ATF7IP: variants seen among roughly 807,000 people sequenced by gnomAD.
ATF7IP encodes the protein activating transcription factor 7 interacting protein.
ATF7IP carries 23 observed loss-of-function variants against 106.4 expected under a neutral mutation model. That is an observed-to-expected ratio of 0.22 (90% CI 0.16 to 0.31). The LOEUF is 0.31. Among genes scored for constraint, ATF7IP ranks in the 10% least tolerant of loss-of-function variants. The pLI, the probability that ATF7IP is intolerant of heterozygous loss-of-function variation, is 1.00. For synonymous variants in ATF7IP, 542 were observed against 539.0 expected (o/e 1.01, Z -0.08); for missense variants, 1,334 against 1,524.3 (o/e 0.88, Z 2.08).
At chr12:14,423,574 C>CTTTTTTT in intron 1 of ATF7IP, among the ~76,000 whole-genome samples, 6 of 34,386 alleles carry the variant, frequency 1.7e-4, no homozygotes, top group African/African-American at 3.0e-4. Context: ...TCTTCAGGTA[C>CTTTTTTT]TTTTTTTTTT....
chr12:14,397,777 C>G (rs754152036), intron 1 of ATF7IP, among the ~76,000 whole-genome samples: 1 of 152,068 alleles, frequency 6.6e-6, no homozygotes, highest in Admixed American at 6.6e-5. Flanking sequence ...TGTTCCAGAG[C>G]ATTCTTTAGC....
At chr12:14,380,808 C>T (rs1367919378) in intron 1 of ATF7IP, among the ~76,000 whole-genome samples, 18 of 152,118 alleles carry the variant, frequency 1.2e-4, no homozygotes, top group Non-Finnish European at 2.4e-4. Flanking sequence ...TTAGTAGAGA[C>T]GGGGTTTTGC....
chr12:14,488,213 C>T (rs747990227), intron 13 of ATF7IP, among the ~76,000 whole-genome samples: 10 of 151,990 alleles, frequency 6.6e-5, no homozygotes, highest in African/African-American at 1.7e-4. Flanking sequence ...CACACACACA[C>T]GTATCCTATA....
intron 1 of ATF7IP, among the ~76,000 whole-genome samples, chr12:14,378,325 C>T (rs1393147466): frequency 4.6e-5 from 7 of 151,030 alleles, no homozygotes; most frequent in Non-Finnish European, 7.4e-5. Flanking sequence ...CTCCAACTCC[C>T]GACCTCAGGT....
intron 1 of ATF7IP, chr12:14,385,372 GA>G: frequency 3.9e-6 from 6 of 1,533,526 alleles, no homozygotes; most frequent in Non-Finnish European, 5.2e-6. Flanking sequence ...TGTCAGTGAG[GA>G]GACTTGTCAC....
intron 2 of ATF7IP, among the ~76,000 whole-genome samples, chr12:14,426,572 A>G (rs1941856595): frequency 6.7e-6 from 1 of 149,398 alleles, no homozygotes; most frequent in Non-Finnish European, 1.5e-5. Context: ...CACACCTATA[A>G]TCCTAGGACT....
chr12:14,443,372 C>G (rs1192881806), intron 5 of ATF7IP, among the ~76,000 whole-genome samples: 1 of 151,864 alleles, frequency 6.6e-6, no homozygotes, highest in Non-Finnish European at 1.5e-5. Flanking sequence ...AAACCTCTAG[C>G]ACAAGAAGAG....
rs1172486145 is a variant in ATF7IP at position 14,481,150 on chromosome 12, A to G, written c.3245A>G (p.Gln1082Arg). Residue 1082 changes from glutamine (Q) to arginine (R), a missense_variant, in exon 13 of 15, where the codon CAG becomes CGG. Transcript: ENST00000261168. ...AQAPLRGTVM[Q>R]APAVRQVNPQ... The stretch of plus-strand genomic sequence containing the variant: ...GCTCCCTTGCGAGGAACTGTTATGC[A>G]GGCTCCTGCTGTTCGGCAGGTCAAT... 8 of 1,614,006 alleles carry G rather than the reference A, an allele frequency of 5.0e-6. No homozygotes were observed. Among genetic ancestry groups the G allele is most frequent in the African/African-American group, 1.3e-5 (1 of 75,034 alleles).
intron 13 of ATF7IP, among the ~76,000 whole-genome samples, chr12:14,491,976 C>T (rs903335556): frequency 1.3e-5 from 2 of 152,224 alleles, no homozygotes; most frequent in African/African-American, 2.4e-5. Context: ...ATCTCAGTAC[C>T]TCCAGGTATG....
chr12:14,374,481 A>G (rs749098764), intron 1 of ATF7IP, among the ~76,000 whole-genome samples: 13 of 152,188 alleles, frequency 8.5e-5, no homozygotes, highest in Non-Finnish European at 1.5e-4. Context: ...AATTCTCTGC[A>G]TATAGGCAAA....
chr12:14,390,970 G>A (rs1173883438), intron 1 of ATF7IP, among the ~76,000 whole-genome samples: 2 of 152,130 alleles, frequency 1.3e-5, no homozygotes, highest in Non-Finnish European at 2.9e-5. Flanking sequence ...TTTGGAAAAT[G>A]GTTTTCTAGT....
rs200404655 is a variant in ATF7IP, at chr12:14,496,339, A to G, written c.3389A>G (p.His1130Arg). Residue 1130 changes from histidine to arginine, a missense_variant, in exon 14 of 15, where the codon CAT becomes CGT. His to Arg is a conservative substitution (Grantham distance 29). Around this residue, in one of 10 missense-constraint regions of ATF7IP, gnomAD observed 370 missense variants for 401.2 expected, o/e 0.92. Transcript: ENST00000261168. The part of the protein sequence containing the change: ...LTVHHRPPQV[H>R]TEPPRPVHPA... ...GTGCATCACCGACCACCACAAGTGC[A>G]TACTGTAAGTGTTGATGCTTGGTTT... 4 of 1,610,080 alleles carry G rather than the reference A, an allele frequency of 2.5e-6. No homozygotes were observed. The highest frequency in any genetic ancestry group is 1.1e-5 in the South Asian group (1 of 90,892).
At chr12:14,402,167 G>A (rs1266712984) in intron 1 of ATF7IP, among the ~76,000 whole-genome samples, 1 of 121,750 alleles carries the variant, frequency 8.2e-6, no homozygotes, top group African/African-American at 3.1e-5. Flanking sequence ...TCGTTCTGTA[G>A]CCCGGACTGG....
At chr12:14,426,529 CT>C (rs200611526) in intron 2 of ATF7IP, among the ~76,000 whole-genome samples, 3,035 of 131,664 alleles carry the variant, frequency 0.023, 21 homozygotes, top group Middle Eastern at 0.034. Flanking sequence ...TAAAAAATGG[CT>C]TTTTTTTTTT....
At chr12:14,430,629 G>C (rs1942070649) in intron 2 of ATF7IP, among the ~76,000 whole-genome samples, 1 of 152,088 alleles carries the variant, frequency 6.6e-6, no homozygotes, top group Admixed American at 6.5e-5. Context: ...TGAATTGCCT[G>C]TTCATCTCCT....
In ATF7IP at chr12:14,475,973, T is replaced by C. The variant is rs1284522818; in HGVS notation, c.2941+5T>C. ...AAGAGAGTGGAGCTTCACAAGGTACTTCAATAGTAATTGTACTAAGCAACG... is the reference window on the plus strand; with the variant it reads ...AAGAGAGTGGAGCTTCACAAGGTACCTCAATAGTAATTGTACTAAGCAACG... On this transcript the variant is annotated splice_donor_5th_base_variant and intron_variant, in intron 11 of 14. Transcript: ENST00000261168. The C allele has an allele frequency of 6.2e-7, 1 of 1,610,200 alleles. No homozygotes were observed. The highest frequency in any genetic ancestry group is 1.3e-5 in the African/African-American group (1 of 74,990).
intron 1 of ATF7IP, among the ~76,000 whole-genome samples, chr12:14,389,697 G>A (rs35133214): frequency 0.02 from 3,086 of 152,018 alleles, 34 homozygotes; most frequent in Middle Eastern, 0.031. Context: ...GCGCGATCTC[G>A]GCTCACCGCA....
chr12:14,457,075 T>A, intron 7 of ATF7IP, 132 bp from the exon 8 acceptor site: 1 of 718,422 alleles, frequency 1.4e-6, no homozygotes, highest in Admixed American at 2.9e-5. Flanking sequence ...TGTTTTTGCT[T>A]GCAGTTTAGG....
chr12:14,385,470 G>A, intron 1 of ATF7IP: 1 of 1,412,606 alleles, frequency 7.1e-7, no homozygotes, highest in Non-Finnish European at 9.6e-7. Flanking sequence ...ATTTAACTGA[G>A]TTTACTTAGA....
Sources: allele counts gnomAD v4.1 joint callset (sites outside exome capture counted in the v4.1 genomes callset), GRCh38; gene constraint gnomAD v4.1.1; regional missense constraint gnomAD v4.1.1; transcripts MANE v1.5; gene names NCBI Gene and HGNC (gene_info 2026-07-23, HGNC 2026-07-21).